The following PDE10A variants were observed in gnomAD, a reference collection of about 807,000 sequenced individuals.
The protein encoded by PDE10A is cAMP and cAMP-inhibited cGMP 3',5'-cyclic phosphodiesterase 10A.
In PDE10A, 39 loss-of-function variants were observed where a neutral mutation model predicts 97.7. That is an observed-to-expected ratio of 0.40 (90% CI 0.31 to 0.52). The LOEUF (loss-of-function observed/expected upper bound fraction) is 0.52. Among genes scored for constraint, PDE10A ranks in the 20% least tolerant of loss-of-function variants. PDE10A has a pLI of 0.56. For synonymous variants in PDE10A, 371 were observed against 376.8 expected (o/e 0.98, Z 0.18); for missense variants, 731 against 1,047.8 (o/e 0.70, Z 4.17).
At chr6:165,350,860 G>C (rs886449862) in intron 18 of PDE10A, among the ~76,000 whole-genome samples, 2 of 152,128 alleles carry the variant, frequency 1.3e-5, no homozygotes, top group Non-Finnish European at 2.9e-5. Flanking sequence ...GGACGTGTTT[G>C]CTTCCCCTTC....
chr6:165,938,009 G>A (rs1783391311), intron 1 of PDE10A, among the ~76,000 whole-genome samples: 1 of 152,170 alleles, frequency 6.6e-6, no homozygotes, highest in South Asian at 2.1e-4. Context: ...AGGGTCCTCT[G>A]ACAATCTCTC....
intron 1 of PDE10A, among the ~76,000 whole-genome samples, chr6:165,776,376 C>T (rs1778184069): frequency 6.6e-6 from 1 of 152,142 alleles, no homozygotes; most frequent in African/African-American, 2.4e-5. Flanking sequence ...TCAACAAGTT[C>T]AGAAGTTGAT....
chr6:165,738,003 T>C (rs914497980), intron 1 of PDE10A, among the ~76,000 whole-genome samples: 1 of 134,886 alleles, frequency 7.4e-6, no homozygotes, highest in East Asian at 1.9e-4. Flanking sequence ...TTCTTTTTTT[T>C]ATTTTATTTT....
intron 1 of PDE10A, among the ~76,000 whole-genome samples, chr6:165,856,311 C>T (rs1361123470): frequency 1.3e-5 from 2 of 152,126 alleles, no homozygotes; most frequent in African/African-American, 4.8e-5. Flanking sequence ...ATCACAGGGC[C>T]GCACCACCCC....
chr6:165,449,781 T>C lies in PDE10A; in HGVS notation c.1144+461A>G, dbSNP rs183058957. ...TCATAGTGGGTATCCTTCTGAAAAA[T>C]CATGTCCTAAAAACAAGTGTATCCT... is the stretch of plus-strand genomic sequence containing the variant. On this transcript the variant is annotated intron_variant, in intron 4 of 21. Coordinates refer to ENST00000539869, the MANE Select transcript of PDE10A (RefSeq NM_001385079.1). Among the ~76,000 whole-genome samples, 1,374 of 152,228 alleles carry C rather than the reference T, an allele frequency of 9.0e-3. 19 individuals carry two copies. Among genetic ancestry groups the C allele is most frequent in the African/African-American group, 0.032 (1,319 of 41,538 alleles).
intron 1 of PDE10A, among the ~76,000 whole-genome samples, chr6:165,894,006 T>G (rs1308168819): frequency 6.6e-6 from 1 of 152,174 alleles, no homozygotes; most frequent in African/African-American, 2.4e-5. Flanking sequence ...AGTGATGTGT[T>G]CATGGCCCTG....
intron 1 of PDE10A, among the ~76,000 whole-genome samples, chr6:165,809,027 A>G (rs566996649): frequency 1.3e-5 from 2 of 152,234 alleles, no homozygotes; most frequent in African/African-American, 4.8e-5. Context: ...CTGTCTATAG[A>G]TGGTCCTGAG....
intron 12 of PDE10A, among the ~76,000 whole-genome samples, chr6:165,415,092 T>C (rs1013897317): frequency 6.6e-6 from 1 of 152,220 alleles, no homozygotes; most frequent in Non-Finnish European, 1.5e-5. Context: ...TTTACAAATA[T>C]TTTCTCCTAA....
Position 165,329,863 on chromosome 6 carries a change from A to T in PDE10A, c.*3162T>A, listed in dbSNP as rs1781244047. 6.6e-6 allele frequency: 1 copy of T among 152,200 alleles called. No individual in the cohort carries two copies. The highest frequency in any genetic ancestry group is 2.4e-5 in the African/African-American group (1 of 41,464). The allele number at this position is 152,200 out of a possible 1,614,324, so 9.4% of individuals were successfully genotyped here. On this transcript the variant is annotated 3_prime_UTR_variant, in exon 22 of 22. Transcript: ENST00000539869. Reference sequence around the variant, plus strand: ...GTCTAATATTTTGGTCTCTTTTGCAAGATGGGTTTTTCATACACCTCTTAG... The same window carrying T: ...GTCTAATATTTTGGTCTCTTTTGCATGATGGGTTTTTCATACACCTCTTAG...
chr6:165,338,435 A>AAT (rs530996717), intron 20 of PDE10A, among the ~76,000 whole-genome samples: 106 of 152,292 alleles, frequency 7.0e-4, no homozygotes, highest in Middle Eastern at 6.8e-3. Context: ...TACTCTCAGA[A>AAT]ATATATGACA....
intron 5 of PDE10A, among the ~76,000 whole-genome samples, chr6:165,448,543 G>A (rs1791032290): frequency 6.6e-6 from 1 of 152,076 alleles, no homozygotes; most frequent in Non-Finnish European, 1.5e-5. Flanking sequence ...CCCAGAAAAT[G>A]TTCAACTTTC....
chr6:165,648,053 G>A (rs1050322615), intron 1 of PDE10A, among the ~76,000 whole-genome samples: 8 of 151,920 alleles, frequency 5.3e-5, no homozygotes, highest in African/African-American at 1.5e-4. Flanking sequence ...TCGCTCTGTC[G>A]CCCAGGCTGG....
chr6:165,779,917 A>G (rs1256873776), intron 1 of PDE10A, among the ~76,000 whole-genome samples: 3 of 152,090 alleles, frequency 2.0e-5, no homozygotes, highest in South Asian at 4.1e-4. Flanking sequence ...CCACTCTTCA[A>G]TTCACTCCGC....
intron 1 of PDE10A, among the ~76,000 whole-genome samples, chr6:165,914,443 A>T (rs1782549984): frequency 6.6e-6 from 1 of 152,214 alleles, no homozygotes; most frequent in Admixed American, 6.5e-5. Context: ...AGGTTTATGG[A>T]TATCCACCAA....
intron 19 of PDE10A, 52 bp from the exon 20 acceptor site, chr6:165,339,410 C>A: frequency 9.5e-7 from 1 of 1,057,050 alleles, no homozygotes; most frequent in Non-Finnish European, 1.5e-6. Context: ...AATTGCTATA[C>A]TATTTTGATA....
intron 1 of PDE10A, among the ~76,000 whole-genome samples, chr6:165,572,652 C>A (rs1338270438): frequency 6.6e-6 from 1 of 152,214 alleles, no homozygotes; most frequent in Non-Finnish European, 1.5e-5. Flanking sequence ...ATAATCCCAG[C>A]ACTTTGGGAA....
At chr6:165,420,048 A>G (rs926396906) in intron 10 of PDE10A, among the ~76,000 whole-genome samples, 18 of 152,190 alleles carry the variant, frequency 1.2e-4, no homozygotes, top group Non-Finnish European at 2.6e-4. Flanking sequence ...ACTGCCTAGT[A>G]TCAGGACCTC....
chr6:165,981,831 C>G (rs778789056), intron 1 of PDE10A, among the ~76,000 whole-genome samples: 1 of 151,446 alleles, frequency 6.6e-6, no homozygotes, highest in Non-Finnish European at 1.5e-5. Flanking sequence ...TGTAAATCAC[C>G]CTTTGAGAGA....
At position 165,685,025 on chromosome 6, in the gene PDE10A, T is replaced by C. The variant is rs112740913; in HGVS notation, c.-614-141457A>G. ...ATACATCTGTCATTTCTGAAATTAT[T>C]TTTTATTAGATGTATCTGCTAGTTT... On this transcript the variant is annotated intron_variant, in intron 1 of 19. Coordinates refer to the PDE10A transcript ENST00000366882. Among the ~76,000 whole-genome samples, 849 of 152,296 alleles carry C rather than the reference T, an allele frequency of 5.6e-3. 4 individuals carry two copies. Among genetic ancestry groups the C allele is most frequent in the African/African-American group, 0.02 (824 of 41,550 alleles).
Sources: allele counts gnomAD v4.1 joint callset (sites outside exome capture counted in the v4.1 genomes callset), GRCh38; gene constraint gnomAD v4.1.1; transcripts MANE v1.5; gene names NCBI Gene and HGNC (gene_info 2026-07-23, HGNC 2026-07-21).